PLCB1: variants seen among roughly 807,000 people sequenced by gnomAD.
PLCB1 encodes phospholipase C beta 1, also known as 1-phosphatidylinositol 4,5-bisphosphate phosphodiesterase beta-1.
A neutral mutation model predicts 161.8 loss-of-function variants in PLCB1; 46 were observed. That is an observed-to-expected ratio of 0.28 (90% CI 0.22 to 0.36). The LOEUF is 0.36. PLCB1 is among the 10% of genes least tolerant of loss of function. The probability of loss-of-function intolerance (pLI) is 1.00; values close to 1 mark genes in which losing one functional copy is unlikely to be tolerated. For synonymous variants in PLCB1, 517 were observed against 503.7 expected, an observed-to-expected ratio of 1.03 and a Z score of -0.35; for missense variants, 1,016 against 1,472.5, an observed-to-expected ratio of 0.69 and a Z score of 5.07.
At chr20:8,437,951 T>A (rs1980382290) in intron 3 of PLCB1, among the ~76,000 whole-genome samples, 1 of 152,180 alleles carries the variant, frequency 6.6e-6, no homozygotes, top group African/African-American at 2.4e-5. Flanking sequence ...CCAAACAGAC[T>A]ATGCCATTAT....
chr20:8,727,273 C>A, intron 16 of PLCB1, 36 bp from the exon 17 acceptor site: 1 of 1,000,642 alleles, frequency 1.0e-6, no homozygotes, highest in Non-Finnish European at 1.6e-6. Flanking sequence ...GTATTTCTCA[C>A]CTTCCCCTTT....
At chr20:8,545,090 G>A (rs1391724356) in intron 3 of PLCB1, among the ~76,000 whole-genome samples, 2 of 152,208 alleles carry the variant, frequency 1.3e-5, no homozygotes, top group Non-Finnish European at 2.9e-5. Context: ...AAAGCCATAT[G>A]TGGAAACTAT....
At chr20:8,584,591 A>G (rs902577480) in intron 3 of PLCB1, among the ~76,000 whole-genome samples, 4 of 152,044 alleles carry the variant, frequency 2.6e-5, no homozygotes, top group African/African-American at 9.6e-5. Context: ...AGAGACCACT[A>G]CTATAGATCT....
intron 2 of PLCB1, among the ~76,000 whole-genome samples, chr20:8,154,843 C>A (rs554027839): frequency 1.3e-5 from 2 of 152,216 alleles, no homozygotes; most frequent in African/African-American, 4.8e-5. Flanking sequence ...CTCTTCCTGT[C>A]TGTGGTTTGT....
rs775451208 is a variant in PLCB1, at chr20:8,702,816, A to G, written c.1167+5033A>G. Among the ~76,000 whole-genome samples the G allele has an allele frequency of 4.7e-4, 72 of 152,360 alleles. No homozygotes were observed. The Middle Eastern group carries it at 0.01, about 22-fold the overall frequency. ...AAGCTATAACTGGTTTTCTCATCCT[A>G]ACTGATCACGCACACCATACAAAAT... is the stretch of plus-strand genomic sequence containing the variant. On this transcript the variant is annotated intron_variant, in intron 11 of 31. Transcript: ENST00000338037.
chr20:8,588,785 T>C (rs967253303), intron 3 of PLCB1, among the ~76,000 whole-genome samples: 3 of 152,210 alleles, frequency 2.0e-5, no homozygotes, highest in Non-Finnish European at 4.4e-5. Flanking sequence ...TATGGTGTTA[T>C]GGTGTGGCAG....
At chr20:8,484,676 T>C (rs996698227) in intron 3 of PLCB1, among the ~76,000 whole-genome samples, 2 of 152,232 alleles carry the variant, frequency 1.3e-5, no homozygotes, top group African/African-American at 4.8e-5. Context: ...TGTGTCTCTT[T>C]TGAGATATCA....
At chr20:8,392,679 C>G (rs551647736) in intron 3 of PLCB1, among the ~76,000 whole-genome samples, 3 of 152,182 alleles carry the variant, frequency 2.0e-5, no homozygotes, top group Non-Finnish European at 4.4e-5. Flanking sequence ...ATAGTAATAT[C>G]AATTTGTGAG....
At chr20:8,399,811 A>G (rs1451160877) in intron 3 of PLCB1, among the ~76,000 whole-genome samples, 4 of 152,148 alleles carry the variant, frequency 2.6e-5, no homozygotes, top group African/African-American at 9.7e-5. Flanking sequence ...AATTAGCAAT[A>G]TCTTGTAGAT....
intron 2 of PLCB1, among the ~76,000 whole-genome samples, chr20:8,272,801 G>A (rs550380961): frequency 5.3e-5 from 8 of 152,042 alleles, no homozygotes; most frequent in Non-Finnish European, 8.8e-5. Context: ...AAATATTGAA[G>A]TCCCTGCTAA....
chr20:8,484,488 G>C (rs1279786571), intron 3 of PLCB1, among the ~76,000 whole-genome samples: 2 of 151,534 alleles, frequency 1.3e-5, no homozygotes, highest in Non-Finnish European at 2.9e-5. Flanking sequence ...AGCCTCCCAA[G>C]TAGCTGGGAC....
At chr20:8,577,306 C>T (rs540808383) in intron 3 of PLCB1, among the ~76,000 whole-genome samples, 6 of 150,832 alleles carry the variant, frequency 4.0e-5, no homozygotes, top group Non-Finnish European at 8.9e-5. Context: ...GGCGTGGTGG[C>T]GGGCACCTGT....
At chr20:8,777,380 A>G (rs1158428274) in intron 27 of PLCB1, among the ~76,000 whole-genome samples, 1 of 152,130 alleles carries the variant, frequency 6.6e-6, no homozygotes, top group Non-Finnish European at 1.5e-5. Context: ...TGGGGTCTCC[A>G]GCAGATGACT....
chr20:8,601,131 C>G (rs1487752950), intron 3 of PLCB1, among the ~76,000 whole-genome samples: 7 of 150,716 alleles, frequency 4.6e-5, no homozygotes, highest in Middle Eastern at 3.2e-3. Flanking sequence ...CTCCCCCTGT[C>G]TATACAAAAT....
At chr20:8,343,540 C>T (rs1011662422) in intron 2 of PLCB1, among the ~76,000 whole-genome samples, 3 of 152,060 alleles carry the variant, frequency 2.0e-5, no homozygotes, top group Admixed American at 1.3e-4. Context: ...TCACTGTCAC[C>T]AGAATTATCC....
At chr20:8,719,985 G>T (rs1410586712) in intron 14 of PLCB1, among the ~76,000 whole-genome samples, 1 of 152,032 alleles carries the variant, frequency 6.6e-6, no homozygotes, top group Non-Finnish European at 1.5e-5. Context: ...AAAGGGTTTT[G>T]TCCTGTAGCT....
At chr20:8,629,813 TTTCTTTTCTTTCTTTCTTTCTTTC>T (rs1485462512) in intron 4 of PLCB1, among the ~76,000 whole-genome samples, 16 of 72,824 alleles carry the variant, frequency 2.2e-4, no homozygotes, top group Admixed American at 5.5e-4. Context: ...CTTTCTTTTC[TTTCTTTTCTTTCTTTCTTTCTTTC>T]TTTCTTTCTT....
chr20:8,631,044 CTA>C (rs1988571269), intron 4 of PLCB1, among the ~76,000 whole-genome samples: 1 of 152,148 alleles, frequency 6.6e-6, no homozygotes, highest in Non-Finnish European at 1.5e-5. Flanking sequence ...CTGTGATGTT[CTA>C]TAGAGTATTT....
intron 16 of PLCB1, among the ~76,000 whole-genome samples, 181 bp from the exon 17 acceptor site, chr20:8,727,128 C>G (rs1181378957): frequency 6.6e-6 from 1 of 151,924 alleles, no homozygotes; most frequent in Non-Finnish European, 1.5e-5. Context: ...TAACAAGACT[C>G]AACTTTTGTT....
Sources: allele counts gnomAD v4.1 joint callset (sites outside exome capture counted in the v4.1 genomes callset), GRCh38; gene constraint gnomAD v4.1.1; transcripts MANE v1.5; gene names NCBI Gene and HGNC (gene_info 2026-07-23, HGNC 2026-07-21).